The following LGR4 variants were observed in gnomAD, a reference collection of about 807,000 sequenced individuals.
LGR4 encodes leucine-rich repeat-containing G protein-coupled receptor 4.
A neutral mutation model predicts 84.8 loss-of-function variants in LGR4; 44 were observed. The observed-to-expected ratio is 0.52, with a 90% confidence interval of 0.41 to 0.67. The LOEUF is 0.67. Ranked by LOEUF, LGR4 falls within the 30% of genes least tolerant of loss-of-function variation. The probability of loss-of-function intolerance (pLI) is 0.00; values close to 1 mark genes in which losing one functional copy is unlikely to be tolerated. For synonymous variants in LGR4, 429 were observed against 434.3 expected, an observed-to-expected ratio of 0.99 and a Z score of 0.15; for missense variants, 1,032 against 1,131.4, an observed-to-expected ratio of 0.91 and a Z score of 1.26.
chr11:27,472,483 C>G lies in LGR4; in HGVS notation c.-181G>C. On this transcript the variant is annotated 5_prime_UTR_variant, in exon 1 of 18. Coordinates refer to ENST00000379214, the MANE Select transcript of LGR4 (RefSeq NM_018490.5). Reference sequence around the variant, plus strand: ...CGCAGCGGCGCAGGGACGCGGCGCTCCGGAGTTTCGCCCTTCCCGCTGCTC... The same window carrying G: ...CGCAGCGGCGCAGGGACGCGGCGCTGCGGAGTTTCGCCCTTCCCGCTGCTC... The G allele has an allele frequency of 2.4e-6, 1 of 409,052 alleles. No homozygotes were observed. The highest frequency in any genetic ancestry group is 4.2e-6 in the Non-Finnish European group (1 of 239,188). The allele number at this position is 409,052 out of a possible 1,614,324, so 25.3% of individuals were successfully genotyped here. A position where few individuals can be genotyped will look rare whatever the true frequency, so the allele number is the denominator to read the frequency against.
intron 1 of LGR4, among the ~76,000 whole-genome samples, chr11:27,444,433 C>A (rs1590398609): frequency 6.6e-6 from 1 of 152,158 alleles, no homozygotes; most frequent in African/African-American, 2.4e-5. Context: ...CTGAAAGAAA[C>A]AGCAAAACAT....
intron 6 of LGR4, among the ~76,000 whole-genome samples, chr11:27,383,409 T>C (rs1274055482): frequency 6.6e-6 from 1 of 152,254 alleles, no homozygotes; most frequent in Non-Finnish European, 1.5e-5. Context: ...TTAGGAAACC[T>C]ATTCAATCTT....
At chr11:27,390,475 T>G (rs76416153) in intron 4 of LGR4, among the ~76,000 whole-genome samples, 7,436 of 152,178 alleles carry the variant, frequency 0.049, 280 homozygotes, top group Non-Finnish European at 0.065. Context: ...TAGCCTAGGG[T>G]TCTGCATTTT....
At chr11:27,379,177 G>T (rs1565071903) in intron 10 of LGR4, 1 of 192,584 alleles carries the variant, frequency 5.2e-6, no homozygotes, top group South Asian at 1.2e-4. Context: ...ATTCGAAAAT[G>T]TTCTCTTATT....
intron 1 of LGR4, among the ~76,000 whole-genome samples, chr11:27,441,503 A>T (rs1022444230): frequency 6.6e-6 from 1 of 152,236 alleles, no homozygotes; most frequent in Non-Finnish European, 1.5e-5. Context: ...AAGAGGGTTA[A>T]GGACACTGAG....
chr11:27,472,325 G>T lies in LGR4; in HGVS notation c.-23C>A. 1 of 1,196,878 alleles carries T rather than the reference G, an allele frequency of 8.4e-7. No individual in the cohort carries two copies. Among genetic ancestry groups the T allele is most frequent in the Admixed American group, 4.5e-5 (1 of 22,368 alleles). 74.1% of individuals were successfully genotyped at this position (1,196,878 alleles called of 1,614,324 possible). ...CATTGCTGCGGCCGCCTCCCGCGCCGGCCTCTCCCGCGGCGCTGCTCGCTC... is the reference window on the plus strand; with the variant it reads ...CATTGCTGCGGCCGCCTCCCGCGCCTGCCTCTCCCGCGGCGCTGCTCGCTC... On this transcript the variant is annotated 5_prime_UTR_variant, in exon 1 of 18. Coordinates refer to ENST00000379214, the MANE Select transcript of LGR4 (RefSeq NM_018490.5).
At chr11:27,469,534 C>T (rs1864833848) in intron 1 of LGR4, among the ~76,000 whole-genome samples, 1 of 152,132 alleles carries the variant, frequency 6.6e-6, no homozygotes, top group Non-Finnish European at 1.5e-5. Flanking sequence ...CCCTGTCAGT[C>T]CCAGGATCTT....
At chr11:27,379,155 A>C in intron 10 of LGR4, 3 of 198,252 alleles carry the variant, frequency 1.5e-5, no homozygotes, top group Non-Finnish European at 2.0e-5. Flanking sequence ...CTTTCAGTCA[A>C]ACTGGCTCAG....
intron 6 of LGR4, 177 bp downstream of exon 6, chr11:27,384,159 T>C (rs1239682010): frequency 7.8e-6 from 4 of 511,610 alleles, no homozygotes; most frequent in African/African-American, 5.9e-5. Flanking sequence ...TTTTTAGCCA[T>C]GGACTTAGAT....
intron 2 of LGR4, among the ~76,000 whole-genome samples, chr11:27,395,555 A>G (rs1012891952): frequency 2.0e-5 from 3 of 152,162 alleles, no homozygotes; most frequent in Non-Finnish European, 4.4e-5. Context: ...TCCTCTATTT[A>G]TCTTTAATAT....
In LGR4 at chr11:27,372,300, C is replaced by A. The variant is rs763366518; in HGVS notation, c.1478G>T (p.Ser493Ile). Residue 493 changes from serine to isoleucine, a missense_variant, in exon 16 of 18, where the codon AGT (serine) becomes ATT (isoleucine). By Grantham distance (142) the Ser-to-Ile change is moderately radical. Coordinates refer to ENST00000379214, the MANE Select transcript of LGR4 (RefSeq NM_018490.5). ...GCACTTGCCTTTCTCCTGTGCCACA[C>A]TGTGGTCCTGGAGGCTGTTATCTTC... ...NTEDNSLQDH[S>I]VAQEKGTADA... The A allele has an allele frequency of 1.2e-6, 2 of 1,609,524 alleles. No homozygotes were observed. Among genetic ancestry groups the A allele is most frequent in the Non-Finnish European group, 1.7e-6 (2 of 1,176,006 alleles).
chr11:27,391,873 C>T (rs931925064), intron 3 of LGR4, among the ~76,000 whole-genome samples: 1 of 152,142 alleles, frequency 6.6e-6, no homozygotes, highest in Non-Finnish European at 1.5e-5. Context: ...CTCACTGAAC[C>T]AGAGAGGTCT....
rs12284579 is a variant in LGR4 at position 27,372,339 on chromosome 11, G to A, written c.1439C>T (p.Ala480Val). The A allele has an allele frequency of 8.9e-3, 14,435 of 1,613,560 alleles. 661 individuals are homozygous for A. The African/African-American group carries it at 0.12, about 14-fold the overall frequency. The change falls in exon 16 of 18, where the codon GCA (alanine) becomes GTA (valine). Residue 480 changes from alanine (A) to valine (V), a missense_variant. Coordinates refer to ENST00000379214, the MANE Select transcript of LGR4 (RefSeq NM_018490.5). ...CCAFWGCDSYANLNTEDNSLQ... is the reference protein window; with the variant it reads ...CCAFWGCDSYVNLNTEDNSLQ... ...GCTGTTATCTTCTGTGTTTAAATTT[G>A]CATAAGAGTCACAACCCCAAAATGC...
At chr11:27,441,473 C>T (rs1864302646) in intron 1 of LGR4, among the ~76,000 whole-genome samples, 1 of 151,850 alleles carries the variant, frequency 6.6e-6, no homozygotes, top group South Asian at 2.1e-4. Context: ...AAAAAATCGC[C>T]TTTAATAAGA....
chr11:27,445,599 C>T (rs1340101586), intron 1 of LGR4, among the ~76,000 whole-genome samples: 1 of 152,164 alleles, frequency 6.6e-6, no homozygotes, highest in Non-Finnish European at 1.5e-5. Context: ...ACAATAGAGG[C>T]TGGTTTCAGT....
At chr11:27,385,100 A>G (rs1863161415) in intron 5 of LGR4, 153 bp downstream of exon 5, 1 of 530,544 alleles carries the variant, frequency 1.9e-6, no homozygotes, top group Non-Finnish European at 3.3e-6. Context: ...AAATTATCCT[A>G]TTCTGTTTAA....
chr11:27,432,618 T>C (rs994065431), intron 1 of LGR4, among the ~76,000 whole-genome samples: 2 of 152,116 alleles, frequency 1.3e-5, no homozygotes, highest in African/African-American at 2.4e-5. Flanking sequence ...CAGCAAATAT[T>C]TTAGAATTAC....
intron 1 of LGR4, among the ~76,000 whole-genome samples, chr11:27,449,847 C>T (rs1864453308): frequency 6.6e-6 from 1 of 152,076 alleles, no homozygotes; most frequent in Non-Finnish European, 1.5e-5. Flanking sequence ...GCTATGCTTC[C>T]TGATCAATAT....
At chr11:27,448,378 C>T (rs868321303) in intron 1 of LGR4, among the ~76,000 whole-genome samples, 6 of 151,568 alleles carry the variant, frequency 4.0e-5, no homozygotes, top group Non-Finnish European at 7.4e-5. Context: ...CCACAAGCTC[C>T]GCCTCCTGGC....
Sources: gnomAD v4.1 joint callset for allele counts (sites outside exome capture counted in the v4.1 genomes callset) on GRCh38, gnomAD v4.1.1 for gene constraint, MANE v1.5 for transcripts, NCBI Gene and HGNC (gene_info 2026-07-23, HGNC 2026-07-21) for gene names.